Variants in PNLIPRP3 observed in about 807,000 individuals in gnomAD.
The protein encoded by PNLIPRP3 is pancreatic lipase related protein 3, also known as pancreatic lipase-related protein 3.
Under a neutral mutation model 52.8 loss-of-function variants are expected in PNLIPRP3, and 58 were observed. The ratio of observed to expected loss-of-function variants is 1.10; its 90% confidence interval spans 0.89 to 1.37. PNLIPRP3 has a LOEUF of 1.37. PNLIPRP3 is among the 40% of genes most tolerant of loss of function. PNLIPRP3 has a pLI of 0.00. For synonymous variants in PNLIPRP3, 192 were observed against 185.0 expected (o/e 1.04, Z -0.31); for missense variants, 593 against 561.6 (o/e 1.06, Z -0.57).
At chr10:116,465,543 AC>A (rs1846266942) in intron 7 of PNLIPRP3, among the ~76,000 whole-genome samples, 2 of 149,930 alleles carry the variant, frequency 1.3e-5, no homozygotes, top group Non-Finnish European at 3.0e-5. Flanking sequence ...TAAAAAAAAA[AC>A]AAAACAAACA....
intron 1 of PNLIPRP3, 92 bp from the exon 2 acceptor site, chr10:116,436,619 C>G (rs1845777591): frequency 7.7e-7 from 1 of 1,306,786 alleles, no homozygotes; most frequent in Admixed American, 2.5e-5. Context: ...GGTTAATTTC[C>G]AAAATTAAAT....
chr10:116,430,817 A>G (rs1054894779), intron 1 of PNLIPRP3, among the ~76,000 whole-genome samples: 1 of 152,168 alleles, frequency 6.6e-6, no homozygotes, highest in African/African-American at 2.4e-5. Context: ...AACAGAGTCC[A>G]TTGCCTTCAA....
At chr10:116,473,680 C>A (rs1337839111) in intron 10 of PNLIPRP3, among the ~76,000 whole-genome samples, 1 of 151,958 alleles carries the variant, frequency 6.6e-6, no homozygotes, top group Non-Finnish European at 1.5e-5. Flanking sequence ...CACCACCATG[C>A]CTGGCTAATT....
rs191160454 is a variant in PNLIPRP3 at position 116,433,705 on chromosome 10, G to A, written c.50-3006G>A. Among the ~76,000 whole-genome samples the A allele has an allele frequency of 4.0e-3, 614 of 151,628 alleles. 4 individuals are homozygous for A. The highest frequency in any genetic ancestry group is 7.8e-3 in the Non-Finnish European group (529 of 68,006). On this transcript the variant is annotated intron_variant, in intron 1 of 11. Coordinates refer to ENST00000369230, the MANE Select transcript of PNLIPRP3 (RefSeq NM_001011709.3). ...TAGACACCTTTAAGAGCCTTTGCAT[G>A]GTTCCACAGTTGCATCATTTTCCTT... is the stretch of plus-strand genomic sequence containing the variant.
chr10:116,465,533 T>TAA (rs1371254946), intron 7 of PNLIPRP3, among the ~76,000 whole-genome samples: 1 of 145,414 alleles, frequency 6.9e-6, no homozygotes, highest in Non-Finnish European at 1.5e-5. Flanking sequence ...AGACTCCATC[T>TAA]AAAAAAAAAA....
rs2133164757 is a variant in PNLIPRP3 at position 116,476,773 on chromosome 10, T to G, written c.1294T>G (p.Leu432Val). ...KHLFEDSQNKLGAEMVINTSG... is the reference protein window; with the variant it reads ...KHLFEDSQNKVGAEMVINTSG... ...TTTGTTTGAAGATTCTCAGAATAAG[T>G]TGGGAGCAGAAATGGTGATAAATAC... The change falls in exon 11 of 12, where the codon TTG (leucine) becomes GTG (valine). Residue 432 changes from leucine (L) to valine (V), a missense_variant. Coordinates refer to ENST00000369230, the MANE Select transcript of PNLIPRP3 (RefSeq NM_001011709.3). 6.2e-7 allele frequency: 1 copy of G among 1,610,442 alleles called. No homozygotes were observed. The highest frequency in any genetic ancestry group is 1.3e-5 in the African/African-American group (1 of 74,882).
chr10:116,463,770 G>A (rs1289164002), intron 7 of PNLIPRP3, among the ~76,000 whole-genome samples: 1 of 152,158 alleles, frequency 6.6e-6, no homozygotes, highest in Non-Finnish European at 1.5e-5. Flanking sequence ...CTCAAAGATT[G>A]GCTAAGCTGT....
intron 5 of PNLIPRP3, among the ~76,000 whole-genome samples, chr10:116,460,661 C>A (rs1253918704): frequency 1.3e-5 from 2 of 152,082 alleles, no homozygotes; most frequent in African/African-American, 4.8e-5. Flanking sequence ...TTTTCAAGAA[C>A]CTTTGTAATT....
chr10:116,445,618 C>T (rs1026622997), intron 4 of PNLIPRP3, among the ~76,000 whole-genome samples: 11 of 151,056 alleles, frequency 7.3e-5, no homozygotes, highest in African/African-American at 2.7e-4. Flanking sequence ...AGGGCCTGAG[C>T]TGTGGGCTTT....
At chr10:116,444,877 A>G (rs1033322745) in intron 4 of PNLIPRP3, among the ~76,000 whole-genome samples, 5 of 152,196 alleles carry the variant, frequency 3.3e-5, no homozygotes, top group East Asian at 3.9e-4. Flanking sequence ...AGAATATGAC[A>G]TGTATTTTCA....
At chr10:116,445,316 G>A (rs1034702383) in intron 4 of PNLIPRP3, among the ~76,000 whole-genome samples, 1 of 152,186 alleles carries the variant, frequency 6.6e-6, no homozygotes, top group Non-Finnish European at 1.5e-5. Flanking sequence ...AAAATGCAAG[G>A]CAGTAGAATG....
At chr10:116,437,194 A>T (rs978432258) in intron 2 of PNLIPRP3, among the ~76,000 whole-genome samples, 13 of 152,312 alleles carry the variant, frequency 8.5e-5, no homozygotes, top group Admixed American at 8.5e-4. Context: ...GAATTGAATA[A>T]ACAGAACAGT....
chr10:116,436,849 A>G lies in PNLIPRP3; in HGVS notation c.188A>G (p.Asn63Ser). ...NTRFLLYTIH[N>S]PNAYQEISAV... ...CGTTTCCTGCTCTACACTATACACA[A>G]TCCCAATGCCTATCAGGTAAGCTAA... Residue 63 changes from asparagine (N) to serine (S), a missense_variant, in exon 2 of 12, where the codon AAT (asparagine) becomes AGT (serine). Coordinates refer to ENST00000369230, the MANE Select transcript of PNLIPRP3 (RefSeq NM_001011709.3). 6 of 1,595,816 alleles carry G rather than the reference A, an allele frequency of 3.8e-6. No homozygotes were observed. Among genetic ancestry groups the G allele is most frequent in the Non-Finnish European group, 5.1e-6 (6 of 1,169,758 alleles).
At chr10:116,435,872 CAAA>C (rs1845767277) in intron 1 of PNLIPRP3, among the ~76,000 whole-genome samples, 1 of 152,090 alleles carries the variant, frequency 6.6e-6, no homozygotes, top group Non-Finnish European at 1.5e-5. Context: ...CAAAAGACTC[CAAA>C]TAACAAAGCA....
At chr10:116,468,413 C>T (rs1345356661) in intron 8 of PNLIPRP3, among the ~76,000 whole-genome samples, 2 of 152,164 alleles carry the variant, frequency 1.3e-5, no homozygotes, top group Non-Finnish European at 2.9e-5. Context: ...AACACTAGCT[C>T]TAATCATAAA....
At chr10:116,443,799 G>A (rs1476939567) in intron 3 of PNLIPRP3, among the ~76,000 whole-genome samples, 576 of 7,658 alleles carry the variant, frequency 0.075, 23 homozygotes, top group Admixed American at 0.096. Context: ...GTATGTGTGT[G>A]TGCATATATA....
rs201904548 is a variant in PNLIPRP3, at chr10:116,477,112, A to G, written c.1363A>G (p.Ile455Val). 6.5e-4 allele frequency: 1,038 copies of G among 1,598,318 alleles called. 8 individuals are homozygous for G. The highest frequency in any genetic ancestry group is 1.2e-4 in the Non-Finnish European group (141 of 1,169,302). ...GYKSTFCSQD[I>V]MGPNILQNLK... ...CAGATCTACCTTCTGTAGCCAAGAC[A>G]TTATGGGACCTAATATTCTCCAGAA... Residue 455 changes from isoleucine to valine, a missense_variant, in exon 12 of 12, where the codon ATT becomes GTT. Physicochemically the swap from Ile to Val is conservative, Grantham distance 29 (BLOSUM62 3). Transcript: ENST00000369230.
At chr10:116,458,450 C>CTTTT (rs5788165) in intron 5 of PNLIPRP3, among the ~76,000 whole-genome samples, 1 of 143,300 alleles carries the variant, frequency 7.0e-6, no homozygotes, top group Non-Finnish European at 1.5e-5. Context: ...GAAAGACTGT[C>CTTTT]TTTTTTTTTT....
rs745400773 is a variant in PNLIPRP3, at chr10:116,455,826, A to C, written c.561A>C (p.Ile187=). ...CAAGGATACCAGGCCTTGGAAGAAT[A>C]ACTGGTAAGCATGCCCTGCAGTTGG... ...AGSRIPGLGR[I]TGLDPAGPFF... is the part of the protein sequence containing the mutation. Residue 187 remains isoleucine, a synonymous_variant, in exon 5 of 12, where the codon ATA becomes ATC. Coordinates refer to ENST00000369230, the MANE Select transcript of PNLIPRP3 (RefSeq NM_001011709.3). The C allele has an allele frequency of 1.9e-5, 30 of 1,611,876 alleles. No individual in the cohort carries two copies. The highest frequency in any genetic ancestry group is 2.5e-5 in the Non-Finnish European group (29 of 1,177,948).
Sources: allele counts gnomAD v4.1 joint callset (sites outside exome capture counted in the v4.1 genomes callset), GRCh38; gene constraint gnomAD v4.1.1; transcripts MANE v1.5; gene names NCBI Gene and HGNC (gene_info 2026-07-23, HGNC 2026-07-21).